Variants in BMP5 observed in about 807,000 individuals in gnomAD.
The protein encoded by BMP5 is bone morphogenetic protein 5.
Under a neutral mutation model 46.6 loss-of-function variants are expected in BMP5, and 23 were observed. That is an observed-to-expected ratio of 0.49 (90% CI 0.35 to 0.70). The LOEUF is 0.70. BMP5 is among the 30% of genes least tolerant of loss of function. The pLI is 0.00. For missense variants in BMP5, 545 were observed against 565.6 expected (o/e 0.96, Z 0.37); for synonymous variants, 204 against 191.9 (o/e 1.06, Z -0.52).
At chr6:55,786,796 A>G (rs758188429) in intron 3 of BMP5, among the ~76,000 whole-genome samples, 16 of 151,632 alleles carry the variant, frequency 1.1e-4, no homozygotes, top group Non-Finnish European at 1.8e-4. Context: ...TTTCTTGGAT[A>G]TAGATACTCT....
intron 1 of BMP5, among the ~76,000 whole-genome samples, chr6:55,831,933 G>T (rs1323185168): frequency 2.0e-5 from 3 of 152,114 alleles, no homozygotes; most frequent in African/African-American, 7.2e-5. Context: ...GGTAACAGGA[G>T]AGAGAAGGTC....
rs749127959 is a variant in BMP5, at chr6:55,759,124, T to TAC, written c.1105-11_1105-10dup. On this transcript the variant is annotated splice_polypyrimidine_tract_variant and intron_variant, in intron 5 of 6. Transcript: ENST00000370830. ...GGTGCTATAATCCAGTCCTGACACATACACACACACACACACACACAAAAA... is the reference window on the plus strand; with the variant it reads ...GGTGCTATAATCCAGTCCTGACACATACACACACACACACACACACACAAAAA... The TAC allele has an allele frequency of 0.024, 10,516 of 436,176 alleles. 268 individuals carry two copies. Among genetic ancestry groups the TAC allele is most frequent in the Middle Eastern group, 0.029 (62 of 2,102 alleles). 27.0% of individuals were successfully genotyped at this position (436,176 alleles called of 1,614,324 possible). A position where few individuals can be genotyped will look rare whatever the true frequency, so the allele number is the denominator to read the frequency against.
At chr6:55,819,949 G>A (rs1776369631) in intron 1 of BMP5, 102 bp from the exon 2 acceptor site, 3 of 1,099,780 alleles carry the variant, frequency 2.7e-6, no homozygotes, top group Non-Finnish European at 4.0e-6. Context: ...AAACAAGCAG[G>A]ATAGTATAAA....
chr6:55,859,745 G>A (rs1777485923), intron 1 of BMP5, among the ~76,000 whole-genome samples: 1 of 152,102 alleles, frequency 6.6e-6, no homozygotes, highest in African/African-American at 2.4e-5. Flanking sequence ...TCTGTTTGCT[G>A]TATTTCCAGA....
chr6:55,844,811 C>T (rs531017104), intron 1 of BMP5, among the ~76,000 whole-genome samples: 3 of 151,740 alleles, frequency 2.0e-5, no homozygotes, highest in East Asian at 3.9e-4. Flanking sequence ...AGAAATAAAA[C>T]TTATCTAGAA....
At chr6:55,871,609 T>C (rs1208455566) in intron 1 of BMP5, among the ~76,000 whole-genome samples, 1 of 151,884 alleles carries the variant, frequency 6.6e-6, no homozygotes, top group African/African-American at 2.4e-5. Flanking sequence ...TTTTAAACAG[T>C]AGGTATTCTG....
At position 55,875,282 on chromosome 6, in the gene BMP5, T is replaced by C. The variant is rs116405019; in HGVS notation, c.-417A>G. On this transcript the variant is annotated 5_prime_UTR_variant, in exon 1 of 7. Coordinates refer to ENST00000370830, the MANE Select transcript of BMP5 (RefSeq NM_021073.4). ...TTCCCAAAGTAATCTTCACTTGCTT[T>C]TGAGTTCTTCTCAACCCTTGAGCTC... The C allele has an allele frequency of 9.5e-4, 201 of 211,728 alleles. No homozygotes were observed. Among genetic ancestry groups the C allele is most frequent in the African/African-American group, 4.4e-3 (186 of 42,224 alleles). The allele number at this position is 211,728 out of a possible 1,614,324, so 13.1% of individuals were successfully genotyped here. A position where few individuals can be genotyped will look rare whatever the true frequency, so the allele number is the denominator to read the frequency against.
At chr6:55,758,727 A>G (rs1460999101) in intron 6 of BMP5, among the ~76,000 whole-genome samples, 1 of 151,884 alleles carries the variant, frequency 6.6e-6, no homozygotes, top group Non-Finnish European at 1.5e-5. Context: ...GTGCTTAGTC[A>G]TACTGTGTAA....
At chr6:55,786,446 T>A (rs1775451620) in intron 3 of BMP5, among the ~76,000 whole-genome samples, 1 of 151,676 alleles carries the variant, frequency 6.6e-6, no homozygotes, top group Non-Finnish European at 1.5e-5. Context: ...AACAAACAAT[T>A]CTAAGGCCAT....
chr6:55,796,469 A>AT (rs977421474), intron 2 of BMP5, among the ~76,000 whole-genome samples: 2 of 150,792 alleles, frequency 1.3e-5, no homozygotes, highest in South Asian at 4.2e-4. Flanking sequence ...ATATATATAT[A>AT]TTTTTTTCTT....
At chr6:55,859,852 G>A (rs1297334001) in intron 1 of BMP5, among the ~76,000 whole-genome samples, 2 of 152,162 alleles carry the variant, frequency 1.3e-5, no homozygotes, top group Non-Finnish European at 2.9e-5. Context: ...CCTCCTTGCA[G>A]AGATTCATAA....
chr6:55,841,916 C>CAGAGAGAGAGAGAGAGAGAGAG (rs143400522), intron 1 of BMP5, among the ~76,000 whole-genome samples: 64 of 146,914 alleles, frequency 4.4e-4, no homozygotes, highest in African/African-American at 1.5e-3. Flanking sequence ...GAGAGAGAGA[C>CAGAGAGAGAGAGAGAGAGAGAG]AGAGAGAGAG....
intron 1 of BMP5, among the ~76,000 whole-genome samples, chr6:55,866,101 G>A (rs566986976): frequency 4.6e-5 from 7 of 152,048 alleles, no homozygotes; most frequent in Non-Finnish European, 8.8e-5. Context: ...GTTATTTGCA[G>A]AAGAGCCTAC....
At chr6:55,760,124 T>C (rs1357489506) in intron 5 of BMP5, among the ~76,000 whole-genome samples, 1 of 152,002 alleles carries the variant, frequency 6.6e-6, no homozygotes, top group East Asian at 1.9e-4. Flanking sequence ...TTAGTGGAGT[T>C]ACTTATACTA....
chr6:55,840,984 G>T (rs1776934165), intron 1 of BMP5, among the ~76,000 whole-genome samples: 1 of 152,172 alleles, frequency 6.6e-6, no homozygotes, highest in African/African-American at 2.4e-5. Context: ...AGTGGGTGAG[G>T]AAGCATTATG....
chr6:55,777,856 T>A (rs972464341), intron 3 of BMP5, among the ~76,000 whole-genome samples: 1 of 150,106 alleles, frequency 6.7e-6, no homozygotes, highest in African/African-American at 2.5e-5. Context: ...TCTAAAATAC[T>A]GGGAAGACAA....
intron 1 of BMP5, among the ~76,000 whole-genome samples, chr6:55,856,371 C>G (rs1258099051): frequency 6.6e-6 from 1 of 152,098 alleles, no homozygotes; most frequent in Non-Finnish European, 1.5e-5. Flanking sequence ...ACCCAAGTTT[C>G]CATTTCTCTA....
chr6:55,770,094 T>C (rs1307946018), intron 4 of BMP5, among the ~76,000 whole-genome samples: 1 of 151,832 alleles, frequency 6.6e-6, no homozygotes, highest in Non-Finnish European at 1.5e-5. Context: ...TCACCAGGTA[T>C]ATTAGCCCAT....
intron 2 of BMP5, among the ~76,000 whole-genome samples, chr6:55,812,669 G>A (rs1003296440): frequency 6.6e-6 from 1 of 152,120 alleles, no homozygotes; most frequent in Admixed American, 6.5e-5. Context: ...CTGAAAATAC[G>A]AAGTAGATAA....
Sources: allele counts gnomAD v4.1 joint callset (sites outside exome capture counted in the v4.1 genomes callset), GRCh38; gene constraint gnomAD v4.1.1; transcripts MANE v1.5; gene names NCBI Gene and HGNC (gene_info 2026-07-23, HGNC 2026-07-21).